Variants in TRDMT1 observed in about 807,000 individuals in gnomAD.
TRDMT1 encodes the protein tRNA aspartic acid methyltransferase 1.
Under a neutral mutation model 51.2 loss-of-function variants are expected in TRDMT1, and 49 were observed. That is an observed-to-expected ratio of 0.96 (90% CI 0.76 to 1.21). The LOEUF (loss-of-function observed/expected upper bound fraction) is 1.21, where lower values mean the gene tolerates loss of function less well. Ranked by LOEUF, TRDMT1 falls within the 50% of genes most tolerant of loss-of-function variation. The pLI is 0.00. For missense variants in TRDMT1, 534 were observed against 462.3 expected (o/e 1.16, Z -1.42); for synonymous variants, 187 against 164.6 (o/e 1.14, Z -1.04).
chr10:17,192,282 C>A (rs1355548496), intron 1 of TRDMT1, among the ~76,000 whole-genome samples: 1 of 152,086 alleles, frequency 6.6e-6, no homozygotes, highest in African/African-American at 2.4e-5. Flanking sequence ...TGGGGTGAGG[C>A]AGGTTACAAG....
In TRDMT1 at chr10:17,147,853, G is replaced by C; in HGVS notation, c.*1187C>G. The C allele has an allele frequency of 3.0e-6, 1 of 332,684 alleles. No individual in the cohort carries two copies. Among genetic ancestry groups the C allele is most frequent in the Non-Finnish European group, 4.3e-6 (1 of 233,552 alleles). The allele number at this position is 332,684 out of a possible 1,614,324, so 20.6% of individuals were successfully genotyped here. A position where few individuals can be genotyped will look rare whatever the true frequency, so the allele number is the denominator to read the frequency against. On this transcript the variant is annotated 3_prime_UTR_variant, in exon 11 of 11. Transcript: ENST00000377799. ...CCAGAGGTGGAATCGCTGAATCATA[G>C]GGTAATTCTATGTTGAATTTTGTGA...
chr10:17,155,790 T>C (rs1271798885), intron 8 of TRDMT1, among the ~76,000 whole-genome samples: 6 of 152,180 alleles, frequency 3.9e-5, no homozygotes, highest in South Asian at 4.1e-4. Flanking sequence ...TTTCAAACTG[T>C]CTTTTTCATA....
At position 17,157,517 on chromosome 10, in the gene TRDMT1, T is replaced by G; in HGVS notation, c.811A>C (p.Lys271Gln). 1 of 1,613,984 alleles carries G rather than the reference T, an allele frequency of 6.2e-7. No individual in the cohort carries two copies. The highest frequency in any genetic ancestry group is 8.5e-7 in the Non-Finnish European group (1 of 1,179,908). ...TDVNQYLLPPKSLLRYALLLD... is the reference protein window; with the variant it reads ...TDVNQYLLPPQSLLRYALLLD... ...AGAAGAGCATATCGCAGCAATGACT[T>G]TGGTGGTAAAAGATACTGGTTCACG... Residue 271 changes from lysine (K) to glutamine (Q), a missense_variant, in exon 8 of 11, where the codon AAG becomes CAG. Physicochemically the swap from Lys to Gln is moderately conservative, Grantham distance 53. Coordinates refer to ENST00000377799, the MANE Select transcript of TRDMT1 (RefSeq NM_004412.7).
chr10:17,146,995 C>G lies in TRDMT1; in HGVS notation c.*2045G>C. The G allele has an allele frequency of 1.0e-6, 1 of 985,510 alleles. No individual in the cohort carries two copies. Among genetic ancestry groups the G allele is most frequent in the Non-Finnish European group, 1.2e-6 (1 of 829,928 alleles). 61.0% of individuals were successfully genotyped at this position (985,510 alleles called of 1,614,324 possible). On this transcript the variant is annotated 3_prime_UTR_variant, in exon 11 of 11. Transcript: ENST00000377799. ...CCCATAATTTAAGAATTCCACTAAG[C>G]TACATTCTGTCTACCAGTTTGTAAG...
chr10:17,200,927 A>T (rs1846068204), intron 1 of TRDMT1, among the ~76,000 whole-genome samples: 1 of 152,198 alleles, frequency 6.6e-6, no homozygotes, highest in Admixed American at 6.5e-5. Flanking sequence ...TAAAACCAGG[A>T]AACAGGTTCA....
At chr10:17,167,491 CAG>C (rs1229098088) in intron 3 of TRDMT1, among the ~76,000 whole-genome samples, 1 of 152,162 alleles carries the variant, frequency 6.6e-6, no homozygotes, top group Non-Finnish European at 1.5e-5. Flanking sequence ...GCATAAGACA[CAG>C]ACACTTAGAG....
At position 17,142,869 on chromosome 10, in the gene TRDMT1, G is replaced by T. The variant is rs1837797313; in HGVS notation, c.*6171C>A. The T allele has an allele frequency of 1.6e-6, 1 of 627,940 alleles. No individual in the cohort carries two copies. The highest frequency in any genetic ancestry group is 2.0e-6 in the Non-Finnish European group (1 of 503,256). The allele number at this position is 627,940 out of a possible 1,614,324, so 38.9% of individuals were successfully genotyped here. A position where few individuals can be genotyped will look rare whatever the true frequency, so the allele number is the denominator to read the frequency against. ...TCCCACCTTTCAGAATTCTCCTTCTGATTCCTCTTGCATTATTTTATAATT... is the reference window on the plus strand; with the variant it reads ...TCCCACCTTTCAGAATTCTCCTTCTTATTCCTCTTGCATTATTTTATAATT... On this transcript the variant is annotated 3_prime_UTR_variant, in exon 11 of 11. Transcript: ENST00000377799.
chr10:17,160,329 T>C lies in TRDMT1; in HGVS notation c.435A>G (p.Gln145=). The change falls in exon 6 of 11, where the codon CAA becomes CAG. Residue 145 remains glutamine, a synonymous_variant. Transcript: ENST00000377799. The part of the protein sequence containing the change: ...QTIENCGFQY[Q]EFLLSPTSLG... ...CAGAGGTTGGAGATAATAGAAACTC[T>C]TGGTACTGAAAGCCACAATTTTCTA... The C allele has an allele frequency of 6.4e-7, 1 of 1,571,802 alleles. No homozygotes were observed. Among genetic ancestry groups the C allele is most frequent in the South Asian group, 1.2e-5 (1 of 82,474 alleles).
chr10:17,182,996 G>A (rs1843459856), intron 1 of TRDMT1, among the ~76,000 whole-genome samples: 1 of 151,994 alleles, frequency 6.6e-6, no homozygotes, highest in Non-Finnish European at 1.5e-5. Flanking sequence ...AAGAAAATGT[G>A]CTGTCCTTCA....
intron 1 of TRDMT1, among the ~76,000 whole-genome samples, chr10:17,178,810 C>G (rs1842932468): frequency 6.6e-6 from 1 of 151,910 alleles, no homozygotes; most frequent in Admixed American, 6.6e-5. Context: ...AGTCAGCTAA[C>G]TGTCCAAACA....
chr10:17,149,364 G>T (rs1295963109), intron 10 of TRDMT1, among the ~76,000 whole-genome samples: 1 of 152,042 alleles, frequency 6.6e-6, no homozygotes, highest in African/African-American at 2.4e-5. Flanking sequence ...GTTATGCTCA[G>T]CACACACACA....
chr10:17,153,407 T>C (rs778779072), intron 10 of TRDMT1, 100 bp downstream of exon 10: 52 of 1,368,820 alleles, frequency 3.8e-5, no homozygotes, highest in Non-Finnish European at 5.2e-5. Context: ...AAGAGGTTTC[T>C]TGAGCCCATT....
chr10:17,167,896 T>C (rs1309412799), intron 3 of TRDMT1, among the ~76,000 whole-genome samples: 1 of 152,212 alleles, frequency 6.6e-6, no homozygotes. Flanking sequence ...AAACATTGTG[T>C]CTTAGGTAAG....
At chr10:17,162,346 G>A (rs1405665763) in intron 3 of TRDMT1, 109 bp from the exon 4 acceptor site, 1 of 1,017,006 alleles carries the variant, frequency 9.8e-7, no homozygotes, top group Admixed American at 2.7e-5. Flanking sequence ...ATAAAAATAA[G>A]TTGGTCCTCA....
At chr10:17,199,252 G>A (rs913054673) in intron 1 of TRDMT1, among the ~76,000 whole-genome samples, 6 of 152,176 alleles carry the variant, frequency 3.9e-5, no homozygotes, top group African/African-American at 1.4e-4. Context: ...TCCCTAATAT[G>A]CAGATTTCCA....
intron 3 of TRDMT1, among the ~76,000 whole-genome samples, chr10:17,167,748 C>A (rs148931942): frequency 6.6e-6 from 1 of 152,120 alleles, no homozygotes; most frequent in African/African-American, 2.4e-5. Flanking sequence ...GCATGCTTAA[C>A]TAGCTTTTAA....
Position 17,166,522 on chromosome 10 carries a change from T to TA in TRDMT1, c.251+2318dup, listed in dbSNP as rs961232057. Among the ~76,000 whole-genome samples the TA allele has an allele frequency of 5.4e-4, 81 of 150,972 alleles. 1 individual carries two copies. Among genetic ancestry groups the TA allele is most frequent in the African/African-American group, 6.8e-4 (28 of 41,176 alleles). ...TACCCTAAAACTTAAAGTATAATAA[T>TA]AAAAAAAAAGCATGCTATTTATCTT... On this transcript the variant is annotated intron_variant, in intron 3 of 10. Transcript: ENST00000377799.
Position 17,142,468 on chromosome 10 carries a change from G to C in TRDMT1, c.*6572C>G, listed in dbSNP as rs1160687917. ...GAAAGAAGGATTTTCTCCCAAGCCA[G>C]GTCCCATGGTATCTCTGGGAGAAGG... On this transcript the variant is annotated 3_prime_UTR_variant, in exon 11 of 11. Coordinates refer to ENST00000377799, the MANE Select transcript of TRDMT1 (RefSeq NM_004412.7). 1 of 152,148 alleles carries C rather than the reference G, an allele frequency of 6.6e-6. No individual in the cohort carries two copies. Among genetic ancestry groups the C allele is most frequent in the Non-Finnish European group, 1.5e-5 (1 of 68,056 alleles). The allele number at this position is 152,148 out of a possible 1,614,324, so 9.4% of individuals were successfully genotyped here. A position where few individuals can be genotyped will look rare whatever the true frequency, so the allele number is the denominator to read the frequency against.
chr10:17,146,089 C>G lies in TRDMT1; in HGVS notation c.*2951G>C. The G allele has an allele frequency of 1.0e-6, 1 of 985,422 alleles. No individual in the cohort carries two copies. Among genetic ancestry groups the G allele is most frequent in the Non-Finnish European group, 1.2e-6 (1 of 829,950 alleles). 61.0% of individuals were successfully genotyped at this position (985,422 alleles called of 1,614,324 possible). On this transcript the variant is annotated 3_prime_UTR_variant, in exon 11 of 11. Transcript: ENST00000377799. ...ACATCCCACATGGTAGCAATACAGC[C>G]TTTCAGGGCAACTTAAAAGCCTCTC...
Sources: allele counts gnomAD v4.1 joint callset (sites outside exome capture counted in the v4.1 genomes callset), GRCh38; gene constraint gnomAD v4.1.1; transcripts MANE v1.5; gene names NCBI Gene and HGNC (gene_info 2026-07-23, HGNC 2026-07-21).